Variants in SP140 observed in about 807,000 individuals in gnomAD.
SP140 encodes the protein nuclear body protein SP140.
SP140 carries 81 observed loss-of-function variants against 125.0 expected under a neutral mutation model. The ratio of observed to expected loss-of-function variants is 0.65; its 90% CI spans 0.54 to 0.78. The LOEUF (loss-of-function observed/expected upper bound fraction) is 0.78, where lower values mean the gene tolerates loss of function less well. Among genes scored for constraint, SP140 ranks in the 30% least tolerant of loss-of-function variants. The pLI is 0.00. For synonymous variants in SP140, 312 were observed against 354.0 expected, an observed-to-expected ratio of 0.88 and a Z score of 1.33; for missense variants, 858 against 1,037.0, an observed-to-expected ratio of 0.83 and a Z score of 2.37.
Position 230,269,790 on chromosome 2 carries a change from T to A in SP140, c.1328-47T>A, listed in dbSNP as rs1464691340. 4 of 1,446,540 alleles carry A rather than the reference T, an allele frequency of 2.8e-6. No homozygotes were observed. In the South Asian group the frequency reaches 3.5e-5, roughly 13 times the overall value. The allele number at this position is 1,446,540 out of a possible 1,614,324, so 89.6% of individuals were successfully genotyped here. On this transcript the variant is annotated intron_variant, in intron 13 of 26. Transcript: ENST00000392045. ...AGCAACAAGGGTGCAGAAAATAGAG[T>A]CACTGGGTCAAACTGAAAGTCTTCA...
At chr2:230,257,640 A>T (rs2051455425) in intron 12 of SP140, among the ~76,000 whole-genome samples, 1 of 151,972 alleles carries the variant, frequency 6.6e-6, no homozygotes. Context: ...GGTCGAGCAC[A>T]CCTGTAGTCC....
intron 1 of SP140, among the ~76,000 whole-genome samples, chr2:230,233,810 C>T (rs1442988035): frequency 2.0e-5 from 3 of 152,216 alleles, no homozygotes; most frequent in Non-Finnish European, 4.4e-5. Flanking sequence ...CTATCTGCTT[C>T]TGCATTCAAT....
chr2:230,313,362 G>C (rs2059450640), downstream of SP140: 1 of 152,302 alleles, frequency 6.6e-6, no homozygotes. Context: ...CCCAACTGCT[G>C]AGTGGTGGCT....
At chr2:230,233,269 G>T (rs6436921) in intron 1 of SP140, among the ~76,000 whole-genome samples, 110,037 of 152,008 alleles carry the variant, frequency 0.72, 40,574 homozygotes, top group African/African-American at 0.79. Context: ...ATTTGAATTT[G>T]TATTTGAAAT....
At chr2:230,311,717 T>G (rs1471394884) in intron 26 of SP140, 122 bp downstream of exon 26, 2 of 1,014,452 alleles carry the variant, frequency 2.0e-6, no homozygotes, top group Non-Finnish European at 2.9e-6. Flanking sequence ...GTTCTGGAAG[T>G]GATTGATTGG....
chr2:230,190,053 C>T, the SP140 span, among the ~76,000 whole-genome samples: 1 of 152,130 alleles, frequency 6.6e-6, no homozygotes, highest in Non-Finnish European at 1.5e-5. Flanking sequence ...ATTTATATTC[C>T]TTTGGATATA....
upstream of SP140, chr2:230,201,029 C>T: frequency 1.6e-6 from 2 of 1,266,706 alleles, no homozygotes; most frequent in Non-Finnish European, 1.2e-6. Context: ...TCCCAGAGAC[C>T]CAGGAAGGCC....
At position 230,309,935 on chromosome 2, in the gene SP140, G is replaced by A. The variant is rs565227971; in HGVS notation, c.2070G>A (p.Leu690=). The A allele has an allele frequency of 6.4e-5, 103 of 1,613,850 alleles. No individual in the cohort carries two copies. Among genetic ancestry groups the A allele is most frequent in the Non-Finnish European group, 8.1e-5 (95 of 1,180,022 alleles). Residue 690 remains leucine (L), a synonymous_variant, in exon 23 of 27, where the codon CTG becomes CTA. Coordinates refer to ENST00000392045, the MANE Select transcript of SP140 (RefSeq NM_007237.5). The part of the protein sequence containing the change: ...NSSVDPCMRN[L]DECEVCRDGG... ...GTTTTATCTTCTAGATGAGAAACCT[G>A]GATGAGTGTGAGGTGTGCCGGGACG... is the stretch of plus-strand genomic sequence containing the variant.
At chr2:230,209,985 G>A in intron 1 of SP140, 1 of 1,606,520 alleles carries the variant, frequency 6.2e-7, no homozygotes. Context: ...GGGTCATTTG[G>A]TTCTGGAGAA....
Position 230,265,468 on chromosome 2 carries a change from G to A in SP140, c.1241-4064G>A, listed in dbSNP as rs138473899. On this transcript the variant is annotated intron_variant, in intron 12 of 26. Transcript: ENST00000392045. ...CCCTCACAAGAGTTCTGTCCAGGAGGCGTCTCACCCTGTTCAAATTGTTAC... is the reference window on the plus strand; with the variant it reads ...CCCTCACAAGAGTTCTGTCCAGGAGACGTCTCACCCTGTTCAAATTGTTAC... Among the ~76,000 whole-genome samples, 131 of 152,320 alleles carry A rather than the reference G, an allele frequency of 8.6e-4. 1 individual carries two copies. The highest frequency in any genetic ancestry group is 2.9e-3 in the African/African-American group (122 of 41,576).
chr2:230,195,626 T>C, the SP140 span, among the ~76,000 whole-genome samples: 4 of 152,122 alleles, frequency 2.6e-5, no homozygotes, highest in African/African-American at 7.2e-5. Context: ...CGGCATGCCT[T>C]ATTAATTTTA....
At chr2:230,239,437 T>A (rs2048414593) in intron 3 of SP140, among the ~76,000 whole-genome samples, 1 of 152,178 alleles carries the variant, frequency 6.6e-6, no homozygotes, top group African/African-American at 2.4e-5. Flanking sequence ...TTTTTAATTT[T>A]TGTATTGTTA....
chr2:230,207,795 C>T (rs2044032861), intron 1 of SP140, among the ~76,000 whole-genome samples: 1 of 152,196 alleles, frequency 6.6e-6, no homozygotes, highest in Admixed American at 6.5e-5. Flanking sequence ...GGCTGCCCTG[C>T]CTCCATTCTT....
At chr2:230,242,503 T>C (rs956661599) in intron 4 of SP140, among the ~76,000 whole-genome samples, 1 of 152,172 alleles carries the variant, frequency 6.6e-6, no homozygotes, top group African/African-American at 2.4e-5. Context: ...CTCTAAATTA[T>C]CTTTAGAGTA....
intron 15 of SP140, among the ~76,000 whole-genome samples, chr2:230,276,145 CA>C (rs972562149): frequency 6.6e-6 from 1 of 152,186 alleles, no homozygotes; most frequent in African/African-American, 2.4e-5. Flanking sequence ...CTACACTAAA[CA>C]ACAGTTTTAC....
chr2:230,261,849 G>A (rs1459697933), intron 12 of SP140, among the ~76,000 whole-genome samples: 1 of 152,164 alleles, frequency 6.6e-6, no homozygotes, highest in Non-Finnish European at 1.5e-5. Context: ...GTTGGATTCA[G>A]TTGGCAAGTA....
chr2:230,290,305 CA>C (rs2056966146), intron 18 of SP140, among the ~76,000 whole-genome samples, 154 bp from the exon 19 acceptor site: 1 of 152,126 alleles, frequency 6.6e-6, no homozygotes, highest in Non-Finnish European at 1.5e-5. Context: ...AATTATGTAT[CA>C]AAAATGCCAC....
chr2:230,234,992 C>A (rs2047762684), intron 1 of SP140: 1 of 152,208 alleles, frequency 6.6e-6, no homozygotes, highest in Admixed American at 6.5e-5. Flanking sequence ...CAGCAAGATG[C>A]TGAAAAGTAA....
intron 22 of SP140, among the ~76,000 whole-genome samples, chr2:230,303,114 A>C (rs1575335294): frequency 6.6e-6 from 1 of 152,202 alleles, no homozygotes; most frequent in Non-Finnish European, 1.5e-5. Flanking sequence ...TATATGAAAC[A>C]AAAAGCTGGT....
Sources: gnomAD v4.1 joint callset for allele counts (sites outside exome capture counted in the v4.1 genomes callset) on GRCh38, gnomAD v4.1.1 for gene constraint, MANE v1.5 for transcripts, NCBI Gene and HGNC (gene_info 2026-07-23, HGNC 2026-07-21) for gene names.